The following DCLK2 variants were observed in gnomAD, a reference collection of about 807,000 sequenced individuals.
DCLK2 encodes the protein serine/threonine-protein kinase DCLK2.
DCLK2 carries 31 observed loss-of-function variants against 78.4 expected under a neutral mutation model. The ratio of observed to expected loss-of-function variants is 0.40; its 90% CI spans 0.30 to 0.53. The LOEUF is 0.53. Ranked by LOEUF, DCLK2 falls within the 20% of genes least tolerant of loss-of-function variation. The probability of loss-of-function intolerance (pLI) is 0.61; values close to 1 mark genes in which losing one functional copy is unlikely to be tolerated. For synonymous variants in DCLK2, 407 were observed against 374.9 expected, an observed-to-expected ratio of 1.09 and a Z score of -0.99; for missense variants, 872 against 973.7, an observed-to-expected ratio of 0.90 and a Z score of 1.39.
rs575370280 is a variant in DCLK2, at chr4:150,130,778, G to A, written c.756+27966G>A. 8.5e-5 allele frequency among the ~76,000 whole-genome samples: 13 copies of A among 152,076 alleles called. No homozygotes were observed. The South Asian group carries it at 2.7e-3, about 32-fold the overall frequency. The stretch of plus-strand genomic sequence containing the variant: ...TCTAGACTAGCATGGCAGAGGATAC[G>A]GAGCAGAGAATCCAGACTGAAAGCA... On this transcript the variant is annotated intron_variant, in intron 2 of 15. Transcript: ENST00000296550.
At chr4:150,234,537 T>C (rs1201502185) in intron 10 of DCLK2, among the ~76,000 whole-genome samples, 1 of 152,350 alleles carries the variant, frequency 6.6e-6, no homozygotes, top group East Asian at 1.9e-4. Context: ...GAATATGCAT[T>C]GATGCACAGC....
At chr4:150,126,585 C>CT (rs1321437738) in intron 2 of DCLK2, among the ~76,000 whole-genome samples, 2 of 152,030 alleles carry the variant, frequency 1.3e-5, no homozygotes, top group African/African-American at 4.8e-5. Context: ...TATTTTAGGT[C>CT]TTTTTTTAGG....
intron 2 of DCLK2, among the ~76,000 whole-genome samples, chr4:150,185,863 C>T (rs1737891242): frequency 6.6e-6 from 1 of 152,174 alleles, no homozygotes; most frequent in Admixed American, 6.5e-5. Flanking sequence ...GGCACCTATT[C>T]ACCCTAACCT....
Position 150,253,338 on chromosome 4 carries a change from A to G in DCLK2, c.2074-2682A>G, listed in dbSNP as rs1473967945. The G allele has an allele frequency of 3.3e-6, 3 of 895,612 alleles. No individual in the cohort carries two copies. In the East Asian group the frequency reaches 1.6e-4, roughly 47 times the overall value. The allele number at this position is 895,612 out of a possible 1,614,324, so 55.5% of individuals were successfully genotyped here. A position where few individuals can be genotyped will look rare whatever the true frequency, so the allele number is the denominator to read the frequency against. ...GATAACTTACAGACAGGACCTTCCCATCTGCTGTCACCCTAGTGTTCTCAT... is the reference window on the plus strand; with the variant it reads ...GATAACTTACAGACAGGACCTTCCCGTCTGCTGTCACCCTAGTGTTCTCAT... On this transcript the variant is annotated intron_variant, in intron 15 of 15. Transcript: ENST00000296550.
At chr4:150,233,719 A>G (rs1011430512) in intron 10 of DCLK2, among the ~76,000 whole-genome samples, 2 of 152,162 alleles carry the variant, frequency 1.3e-5, no homozygotes, top group African/African-American at 2.4e-5. Context: ...AGAGTTCTTC[A>G]TAGTCTGATC....
intron 2 of DCLK2, among the ~76,000 whole-genome samples, chr4:150,163,870 G>A (rs1157751818): frequency 6.6e-6 from 1 of 152,172 alleles, no homozygotes; most frequent in African/African-American, 2.4e-5. Flanking sequence ...ATTTTAGGAA[G>A]TTAGTTATTT....
chr4:150,088,759 A>G (rs2150136052), intron 1 of DCLK2, among the ~76,000 whole-genome samples: 1 of 152,374 alleles, frequency 6.6e-6, no homozygotes, highest in African/African-American at 2.4e-5. Context: ...GGTTGCAGTC[A>G]AAATGCAGGT....
At chr4:150,101,751 G>A (rs1481951461) in intron 1 of DCLK2, among the ~76,000 whole-genome samples, 2 of 152,138 alleles carry the variant, frequency 1.3e-5, no homozygotes, top group Non-Finnish European at 2.9e-5. Context: ...AAATTAAGCA[G>A]AAGGTTTCAT....
At position 150,223,510 on chromosome 4, in the gene DCLK2, G is replaced by A. The variant is rs188735385; in HGVS notation, c.1242-991G>A. ...TGTAATCCCAGCACTTTGGGAGGCC[G>A]AGGCGGGAGAATCACCTGAGGTCAG... On this transcript the variant is annotated intron_variant, in intron 7 of 15. Coordinates refer to ENST00000296550, the MANE Select transcript of DCLK2 (RefSeq NM_001040260.4). 1.2e-3 allele frequency among the ~76,000 whole-genome samples: 186 copies of A among 152,314 alleles called. 1 individual carries two copies. In the East Asian group the frequency reaches 0.014, roughly 11 times the overall value.
At chr4:150,232,957 A>G (rs1364778088) in intron 10 of DCLK2, 129 bp downstream of exon 10, 1 of 1,188,804 alleles carries the variant, frequency 8.4e-7, no homozygotes, top group Admixed American at 2.5e-5. Context: ...GAAAATTAGC[A>G]AGACTTATGT....
chr4:150,190,235 TTAGATAGA>T (rs35680371), intron 2 of DCLK2, among the ~76,000 whole-genome samples: 10,684 of 115,108 alleles, frequency 0.093, 521 homozygotes, highest in South Asian at 0.18. Flanking sequence ...AGATGGATAG[TTAGATAGA>T]TAGATAGATA....
At chr4:150,176,815 AG>A (rs781167501) in intron 2 of DCLK2, among the ~76,000 whole-genome samples, 55 of 152,270 alleles carry the variant, frequency 3.6e-4, no homozygotes, top group Admixed American at 1.6e-3. Flanking sequence ...GGCCCCAGGG[AG>A]GGGATGGTTA....
At chr4:150,207,849 CAAAG>C (rs1739954028) in intron 5 of DCLK2, among the ~76,000 whole-genome samples, 2 of 152,028 alleles carry the variant, frequency 1.3e-5, no homozygotes, top group Admixed American at 1.3e-4. Context: ...AGACTTTATT[CAAAG>C]AGTGGGGGTG....
intron 2 of DCLK2, among the ~76,000 whole-genome samples, chr4:150,152,989 C>T (rs970727054): frequency 5.3e-5 from 8 of 152,144 alleles, no homozygotes; most frequent in Admixed American, 1.3e-4. Context: ...TCAATCTGAC[C>T]GTGAGAGAAT....
chr4:150,256,304 C>A lies in DCLK2; in HGVS notation c.*57C>A. The A allele has an allele frequency of 6.9e-7, 1 of 1,444,682 alleles. No homozygotes were observed. The highest frequency in any genetic ancestry group is 9.1e-7 in the Non-Finnish European group (1 of 1,103,078). The allele number at this position is 1,444,682 out of a possible 1,614,324, so 89.5% of individuals were successfully genotyped here. On this transcript the variant is annotated 3_prime_UTR_variant, in exon 16 of 16. Coordinates refer to ENST00000296550, the MANE Select transcript of DCLK2 (RefSeq NM_001040260.4). ...CAGCCCAGGAAGCCAGCCCTCTGCT[C>A]GGCCTCGCCGGCCTCCCTGCTGCAG...
At chr4:150,204,563 G>T (rs2126456186) in intron 5 of DCLK2, among the ~76,000 whole-genome samples, 1 of 152,226 alleles carries the variant, frequency 6.6e-6, no homozygotes, top group East Asian at 1.9e-4. Context: ...GAGAAAATTT[G>T]CCTGGTAAAA....
At chr4:150,136,269 G>A (rs779472320) in intron 2 of DCLK2, among the ~76,000 whole-genome samples, 3 of 152,142 alleles carry the variant, frequency 2.0e-5, no homozygotes, top group Non-Finnish European at 2.9e-5. Flanking sequence ...TTAGAAGTAC[G>A]GTCCCTCTGA....
In DCLK2 at chr4:150,150,354, A is replaced by C. The variant is rs186232566; in HGVS notation, c.757-42784A>C. Among the ~76,000 whole-genome samples the C allele has an allele frequency of 4.6e-5, 7 of 152,264 alleles. No individual in the cohort carries two copies. The East Asian group carries it at 1.4e-3, about 29-fold the overall frequency. On this transcript the variant is annotated intron_variant, in intron 2 of 15. Coordinates refer to ENST00000296550, the MANE Select transcript of DCLK2 (RefSeq NM_001040260.4). ...TTCTGAACCTCAGTTTCTCCTGTGAAGTGATGGTGATAGGTCTCTTTCATC... is the reference window on the plus strand; with the variant it reads ...TTCTGAACCTCAGTTTCTCCTGTGACGTGATGGTGATAGGTCTCTTTCATC...
At chr4:150,214,590 C>A (rs1220661081) in intron 5 of DCLK2, among the ~76,000 whole-genome samples, 1 of 152,156 alleles carries the variant, frequency 6.6e-6, no homozygotes, top group Admixed American at 6.5e-5. Context: ...CATACTCCAG[C>A]AGCAGAGCCA....
Sources: gnomAD v4.1 joint callset for allele counts (sites outside exome capture counted in the v4.1 genomes callset) on GRCh38, gnomAD v4.1.1 for gene constraint, MANE v1.5 for transcripts, NCBI Gene and HGNC (gene_info 2026-07-23, HGNC 2026-07-21) for gene names.